The following AHR variants were observed in gnomAD, a reference collection of about 807,000 sequenced individuals.
AHR encodes aryl hydrocarbon receptor.
In AHR, 40 loss-of-function variants were observed where a neutral mutation model predicts 86.8. The observed-to-expected ratio is 0.46, with a 90% confidence interval of 0.36 to 0.60. AHR has a LOEUF of 0.60. Ranked by LOEUF, AHR falls within the 20% of genes least tolerant of loss-of-function variation. The pLI is 0.00. For missense variants in AHR, 1,001 were observed against 1,011.6 expected (o/e 0.99, Z 0.14); for synonymous variants, 398 against 354.9 (o/e 1.12, Z -1.37).
In AHR at chr7:17,339,777, T is replaced by C; in HGVS notation, c.1952T>C (p.Phe651Ser). 6.2e-7 allele frequency: 1 copy of C among 1,614,192 alleles called. No homozygotes were observed. The highest frequency in any genetic ancestry group is 8.5e-7 in the Non-Finnish European group (1 of 1,180,038). The part of the protein sequence containing the change: ...KMKHMQVNGM[F>S]ENWNSNQFVP... Reference sequence around the variant, plus strand: ...AAGCACATGCAAGTTAATGGCATGTTTGAAAATTGGAACTCTAACCAATTC... The same window carrying C: ...AAGCACATGCAAGTTAATGGCATGTCTGAAAATTGGAACTCTAACCAATTC... Residue 651 changes from phenylalanine to serine, a missense_variant, in exon 10 of 11, where the codon TTT (phenylalanine) becomes TCT (serine). By Grantham distance (155) the Phe-to-Ser change is radical. Coordinates refer to ENST00000242057, the MANE Select transcript of AHR (RefSeq NM_001621.5).
intron 9 of AHR, among the ~76,000 whole-genome samples, chr7:17,336,926 C>G (rs534809329): frequency 6.6e-6 from 1 of 151,526 alleles, no homozygotes; most frequent in Non-Finnish European, 1.5e-5. Context: ...TATTTTCTTC[C>G]TTCTACTTTC....
chr7:17,305,031 C>T (rs758868678), intron 1 of AHR, among the ~76,000 whole-genome samples: 104 of 152,168 alleles, frequency 6.8e-4, no homozygotes, highest in Middle Eastern at 3.4e-3. Context: ...ATGTCTTGTG[C>T]TAGAAACTAT....
At chr7:17,332,867 A>G (rs1782315250) in intron 6 of AHR, among the ~76,000 whole-genome samples, 1 of 151,836 alleles carries the variant, frequency 6.6e-6, no homozygotes. Context: ...TTCACTCACC[A>G]CTCACTCACT....
At chr7:17,324,379 G>A (rs773599052) in intron 3 of AHR, among the ~76,000 whole-genome samples, 15 of 152,072 alleles carry the variant, frequency 9.9e-5, no homozygotes, top group Admixed American at 8.5e-4. Flanking sequence ...TGCAACCGAC[G>A]GTTATCAGCC....
At chr7:17,321,681 C>T (rs929729437) in intron 2 of AHR, among the ~76,000 whole-genome samples, 11 of 151,618 alleles carry the variant, frequency 7.3e-5, no homozygotes, top group African/African-American at 2.7e-4. Context: ...AGCATCCTAT[C>T]ATGCCATCAG....
Position 17,339,569 on chromosome 7 carries a change from C to A in AHR, c.1744C>A (p.Leu582Met), listed in dbSNP as rs1782395996. 1 of 1,614,146 alleles carries A rather than the reference C, an allele frequency of 6.2e-7. No individual in the cohort carries two copies. Among genetic ancestry groups the A allele is most frequent in the Admixed American group, 1.7e-5 (1 of 60,034 alleles). ...AGACATTGACTTAACGGATGAAATC[C>A]TGACGTATGTCCAAGATTCTTTAAG... ...FRDIDLTDEI[L>M]TYVQDSLSKS... Residue 582 changes from leucine to methionine, a missense_variant, in exon 10 of 11, where the codon CTG becomes ATG. Around this residue, in one of 2 missense-constraint regions of AHR, gnomAD observed 607 missense variants for 543.1 expected, o/e 1.12. Coordinates refer to ENST00000242057, the MANE Select transcript of AHR (RefSeq NM_001621.5).
At chr7:17,313,904 C>A (rs1048498127) in intron 2 of AHR, among the ~76,000 whole-genome samples, 23 of 152,028 alleles carry the variant, frequency 1.5e-4, no homozygotes, top group African/African-American at 5.3e-4. Flanking sequence ...CCTCCTATAT[C>A]ATGTCTCTCA....
In AHR at chr7:17,340,936, C is replaced by T. The variant is rs538190764; in HGVS notation, c.2403+708C>T. Among the ~76,000 whole-genome samples, 11 of 151,706 alleles carry T rather than the reference C, an allele frequency of 7.3e-5. No homozygotes were observed. In the South Asian group the frequency reaches 1.0e-3, roughly 14 times the overall value. On this transcript the variant is annotated intron_variant, in intron 10 of 10. Transcript: ENST00000242057. ...GTTGTTTAAATGTGTCATCAGAATC[C>T]GTCTGGCAGTGAGCACACTTTAAAT...
Position 17,339,421 on chromosome 7 carries a change from A to G in AHR, c.1596A>G (p.Gln532=), listed in dbSNP as rs1354244922. ...SFAGGHPGLF[Q]DSKNSDLYSI... Reference sequence around the variant, plus strand: ...CTGGAGGTCACCCAGGGCTCTTTCAAGATAGTAAAAACAGTGACTTGTACA... The same window carrying G: ...CTGGAGGTCACCCAGGGCTCTTTCAGGATAGTAAAAACAGTGACTTGTACA... The change falls in exon 10 of 11, where the codon CAA becomes CAG. Residue 532 remains glutamine (Q), a synonymous_variant. Transcript: ENST00000242057. 1.2e-6 allele frequency: 2 copies of G among 1,614,222 alleles called. No homozygotes were observed. Among genetic ancestry groups the G allele is most frequent in the Non-Finnish European group, 1.7e-6 (2 of 1,180,028 alleles).
In AHR at chr7:17,339,793, T is replaced by C. The variant is rs1017376984; in HGVS notation, c.1968T>C (p.Ser656=). Residue 656 remains serine (S), a synonymous_variant, in exon 10 of 11, where the codon TCT becomes TCC. Coordinates refer to ENST00000242057, the MANE Select transcript of AHR (RefSeq NM_001621.5). ...ATGGCATGTTTGAAAATTGGAACTC[T>C]AACCAATTCGTGCCTTTCAATTGTC... ...QVNGMFENWN[S]NQFVPFNCPQ... is the part of the protein sequence containing the mutation. 5 of 1,614,208 alleles carry C rather than the reference T, an allele frequency of 3.1e-6. No homozygotes were observed. The highest frequency in any genetic ancestry group is 4.2e-6 in the Non-Finnish European group (5 of 1,180,036).
At chr7:17,303,124 G>T (rs1236422804) in intron 1 of AHR, among the ~76,000 whole-genome samples, 1 of 151,884 alleles carries the variant, frequency 6.6e-6, no homozygotes, top group Admixed American at 6.6e-5. Context: ...TTTGCTAGTG[G>T]CTTAATATGA....
chr7:17,305,195 A>G (rs1392881618), intron 1 of AHR, among the ~76,000 whole-genome samples: 1 of 152,164 alleles, frequency 6.6e-6, no homozygotes, highest in Admixed American at 6.5e-5. Flanking sequence ...GTTTTTGTAG[A>G]TGTTTTTGAC....
At chr7:17,315,695 G>T (rs1216553560) in intron 2 of AHR, among the ~76,000 whole-genome samples, 1 of 151,808 alleles carries the variant, frequency 6.6e-6, no homozygotes, top group African/African-American at 2.4e-5. Context: ...GAGGGTTTGT[G>T]ATCTGGTTAA....
At chr7:17,340,616 CGT>C (rs1202597557) in intron 10 of AHR, among the ~76,000 whole-genome samples, 1 of 152,050 alleles carries the variant, frequency 6.6e-6, no homozygotes, top group African/African-American at 2.4e-5. Context: ...CTTTAAAAAA[CGT>C]ATTGCAATTT....
intron 2 of AHR, among the ~76,000 whole-genome samples, chr7:17,319,732 A>C (rs1782150229): frequency 6.6e-6 from 1 of 152,080 alleles, no homozygotes; most frequent in Admixed American, 6.6e-5. Context: ...AGTAGTATTG[A>C]TAGAGCCTCT....
intron 1 of AHR, among the ~76,000 whole-genome samples, chr7:17,309,040 G>C (rs1009060483): frequency 3.9e-5 from 6 of 152,276 alleles, no homozygotes; most frequent in Admixed American, 6.5e-5. Flanking sequence ...GGTATCTGAT[G>C]ATTTTTAAAT....
chr7:17,301,580 A>G (rs902496080), intron 1 of AHR, among the ~76,000 whole-genome samples: 2 of 152,126 alleles, frequency 1.3e-5, no homozygotes, highest in African/African-American at 4.8e-5. Context: ...TTTATGGAAT[A>G]TAAGTATTCC....
chr7:17,315,995 G>A (rs1782111923), intron 2 of AHR, among the ~76,000 whole-genome samples: 1 of 151,982 alleles, frequency 6.6e-6, no homozygotes, highest in Non-Finnish European at 1.5e-5. Context: ...TAGAATAAGA[G>A]GAAAAGTACC....
chr7:17,299,445 G>A (rs1041522545), intron 1 of AHR, 116 bp downstream of exon 1: 2 of 1,180,238 alleles, frequency 1.7e-6, no homozygotes, highest in South Asian at 2.9e-5. Flanking sequence ...GTCCATTCCC[G>A]GCACTGCCCG....
Sources: allele counts gnomAD v4.1 joint callset (sites outside exome capture counted in the v4.1 genomes callset), GRCh38; gene constraint gnomAD v4.1.1; regional missense constraint gnomAD v4.1.1; transcripts MANE v1.5; gene names NCBI Gene and HGNC (gene_info 2026-07-23, HGNC 2026-07-21).